EDNRB: variants seen among roughly 807,000 people sequenced by gnomAD.
EDNRB encodes Hirschsprung disease 2.
In EDNRB, 18 loss-of-function variants were observed where a neutral mutation model predicts 46.4. The observed-to-expected ratio is 0.39, with a 90% CI of 0.27 to 0.57. The LOEUF (loss-of-function observed/expected upper bound fraction) is 0.57, where lower values mean the gene tolerates loss of function less well. Among genes scored for constraint, EDNRB ranks in the 20% least tolerant of loss-of-function variants. EDNRB has a pLI of 0.61. For synonymous variants in EDNRB, 213 were observed against 204.9 expected, an observed-to-expected ratio of 1.04 and a Z score of -0.34; for missense variants, 434 against 537.5, an observed-to-expected ratio of 0.81 and a Z score of 1.90.
chr13:77,950,500 C>G (rs1881061642), intron 1 of EDNRB, among the ~76,000 whole-genome samples: 1 of 152,212 alleles, frequency 6.6e-6, no homozygotes, highest in Non-Finnish European at 1.5e-5. Flanking sequence ...GAAGGAGGCT[C>G]TGCTCCACCC....
chr13:77,958,318 C>T (rs1370758189), intron 1 of EDNRB, among the ~76,000 whole-genome samples: 2 of 151,968 alleles, frequency 1.3e-5, no homozygotes, highest in Admixed American at 1.3e-4. Flanking sequence ...ATATTGGCAT[C>T]AGTAATTTCA....
At chr13:77,964,594 C>T (rs950323616) in intron 1 of EDNRB, among the ~76,000 whole-genome samples, 1 of 152,124 alleles carries the variant, frequency 6.6e-6, no homozygotes, top group Non-Finnish European at 1.5e-5. Context: ...CACTCGGACA[C>T]AGGAAGGGGA....
At chr13:77,913,375 T>C (rs1396889593) in intron 1 of EDNRB, among the ~76,000 whole-genome samples, 1 of 152,116 alleles carries the variant, frequency 6.6e-6, no homozygotes, top group Admixed American at 6.6e-5. Flanking sequence ...TGTAAAACCA[T>C]CTAGAAGCAC....
chr13:77,908,765 A>G (rs745628705), intron 1 of EDNRB, among the ~76,000 whole-genome samples: 1 of 152,024 alleles, frequency 6.6e-6, no homozygotes. Flanking sequence ...CAATTCAAAC[A>G]TGTAATCAAA....
At chr13:77,934,585 A>G (rs551461672) in intron 1 of EDNRB, among the ~76,000 whole-genome samples, 2 of 151,526 alleles carry the variant, frequency 1.3e-5, no homozygotes, top group East Asian at 2.0e-4. Flanking sequence ...TACTCAGACT[A>G]AGAGGTATTT....
In EDNRB at chr13:77,896,432, G is replaced by A. The variant is rs770758645; in HGVS notation, c.*1768C>T. The A allele has an allele frequency of 1.3e-6, 2 of 1,554,104 alleles. No individual in the cohort carries two copies. The highest frequency in any genetic ancestry group is 1.7e-6 in the Non-Finnish European group (2 of 1,148,164). On this transcript the variant is annotated 3_prime_UTR_variant, in exon 7 of 7. Coordinates refer to ENST00000646607, the MANE Select transcript of EDNRB (RefSeq NM_001122659.3). ...GGTGATTTATAAATAGAATCCATAT[G>A]GTGTGTGAATTAATTATTATTGCTC...
chr13:77,973,592 T>A (rs1023271986), intron 1 of EDNRB, among the ~76,000 whole-genome samples: 1 of 152,106 alleles, frequency 6.6e-6, no homozygotes, highest in Non-Finnish European at 1.5e-5. Flanking sequence ...AAAACGCACA[T>A]ATTTTTAACC....
intron 1 of EDNRB, among the ~76,000 whole-genome samples, chr13:77,941,819 C>T (rs1880756816): frequency 1.3e-5 from 2 of 152,134 alleles, no homozygotes; most frequent in South Asian, 4.1e-4. Context: ...AAAGCAAAAG[C>T]CTTGTCGAGA....
At chr13:77,953,157 A>G (rs1316761174) in intron 1 of EDNRB, among the ~76,000 whole-genome samples, 2 of 152,200 alleles carry the variant, frequency 1.3e-5, no homozygotes, top group East Asian at 1.9e-4. Context: ...TCAGAAAGGT[A>G]GCATTTACCA....
intron 1 of EDNRB, among the ~76,000 whole-genome samples, chr13:77,940,697 TTGGGTG>T (rs1880717981): frequency 1.5e-5 from 2 of 136,606 alleles, no homozygotes; most frequent in Admixed American, 1.5e-4. Flanking sequence ...AAAAGATGAA[TTGGGTG>T]TGTGTGTGTG....
Position 77,918,549 on chromosome 13 carries a change from C to T in EDNRB, c.25G>A (p.Gly9Arg). The change falls in exon 1 of 7, where the codon GGA becomes AGA. Residue 9 changes from glycine (G) to arginine (R), a missense_variant. Physicochemically the swap from Gly to Arg is moderately radical, Grantham distance 125. Coordinates refer to ENST00000646607, the MANE Select transcript of EDNRB (RefSeq NM_001122659.3). This position sits in a 1 kb window ranked among gnomAD's most constrained non-coding sequence, Gnocchi z 4.5. Reference protein sequence around the residue: MQPPPSLCGRALVALVLAC... With the variant: MQPPPSLCRRALVALVLAC... ...AGAACCAGCGCAACCAGGGCGCGTC[C>T]GCACAGACTTGGAGGCGGCTGCATG... is the stretch of plus-strand genomic sequence containing the variant. The T allele has an allele frequency of 1.3e-6, 2 of 1,597,858 alleles. No homozygotes were observed. The highest frequency in any genetic ancestry group is 1.7e-6 in the Non-Finnish European group (2 of 1,174,582).
At chr13:77,915,163 A>G (rs1259227739) in intron 1 of EDNRB, among the ~76,000 whole-genome samples, 5 of 152,176 alleles carry the variant, frequency 3.3e-5, no homozygotes, top group Non-Finnish European at 7.3e-5. Context: ...CATTAAAAAA[A>G]CTACGTTGCC....
intron 1 of EDNRB, among the ~76,000 whole-genome samples, chr13:77,951,864 C>G (rs1277242705): frequency 6.6e-6 from 1 of 152,132 alleles, no homozygotes; most frequent in Non-Finnish European, 1.5e-5. Context: ...ATTCTTTACT[C>G]AAGTATGCAC....
In EDNRB at chr13:77,901,199, C is replaced by T; in HGVS notation, c.810G>A (p.Lys270=). The change falls in exon 4 of 7, where the codon AAG becomes AAA. Residue 270 remains lysine (K), a synonymous_variant. Transcript: ENST00000646607. ...VQKTAFMQFY[K]TAKDWWLFSF... ...TGAATAGCCACCAATCTTTTGCTGT[C>T]TTGTAAAACTATAGGGATGAGAGAA... is the stretch of plus-strand genomic sequence containing the variant. 2 of 1,610,490 alleles carry T rather than the reference C, an allele frequency of 1.2e-6. No individual in the cohort carries two copies. The highest frequency in any genetic ancestry group is 1.7e-6 in the Non-Finnish European group (2 of 1,177,912).
intron 1 of EDNRB, among the ~76,000 whole-genome samples, chr13:77,937,745 C>T (rs1880610036): frequency 6.6e-6 from 1 of 151,748 alleles, no homozygotes; most frequent in Admixed American, 6.6e-5. Flanking sequence ...TTGGGACCTA[C>T]CTTAGCCTGG....
intron 1 of EDNRB, among the ~76,000 whole-genome samples, chr13:77,949,015 A>G (rs1440999350): frequency 2.6e-5 from 4 of 152,242 alleles, no homozygotes. Context: ...TAATGTCTAC[A>G]CATCTCAAAA....
chr13:77,930,279 G>A (rs1880355389), intron 1 of EDNRB, among the ~76,000 whole-genome samples: 1 of 152,276 alleles, frequency 6.6e-6, no homozygotes, highest in East Asian at 1.9e-4. Context: ...TAGTTTAGTA[G>A]ACAGAAGATT....
At chr13:77,952,519 T>C (rs1237588691) in intron 1 of EDNRB, among the ~76,000 whole-genome samples, 1 of 152,140 alleles carries the variant, frequency 6.6e-6, no homozygotes, top group African/African-American at 2.4e-5. Flanking sequence ...AGCCTCATTT[T>C]CCTAGCCCTC....
chr13:77,948,744 C>CGCTATATAA (rs1566332973), intron 1 of EDNRB, among the ~76,000 whole-genome samples: 14 of 152,184 alleles, frequency 9.2e-5, no homozygotes, highest in African/African-American at 3.4e-4. Context: ...CAACTCAAGA[C>CGCTATATAA]TTGTAGCGTC....
Sources: allele counts gnomAD v4.1 joint callset (sites outside exome capture counted in the v4.1 genomes callset), GRCh38; gene constraint gnomAD v4.1.1; non-coding constraint Gnocchi (gnomAD v3.1); transcripts MANE v1.5; gene names NCBI Gene and HGNC (gene_info 2026-07-23, HGNC 2026-07-21).